JAK2: variants seen among roughly 807,000 people sequenced by gnomAD.
JAK2 encodes the protein Janus kinase 2.
JAK2 carries 86 observed loss-of-function variants against 139.3 expected under a neutral mutation model. The observed-to-expected ratio is 0.62, with a 90% CI of 0.52 to 0.74. The LOEUF is 0.74. Among genes scored for constraint, JAK2 ranks in the 30% least tolerant of loss-of-function variants. JAK2 has a pLI of 0.00. For missense variants in JAK2, 1,421 were observed against 1,360.3 expected (o/e 1.04, Z -0.70); for synonymous variants, 490 against 437.7 (o/e 1.12, Z -1.49).
At chr9:5,114,324 G>A (rs1414356034) in intron 22 of JAK2, 14 of 539,402 alleles carry the variant, frequency 2.6e-5, no homozygotes, top group South Asian at 8.1e-5. Flanking sequence ...TGGGAAGTCT[G>A]TGGCTCAGGT....
chr9:5,049,959 A>G (rs565914210), intron 5 of JAK2, among the ~76,000 whole-genome samples: 8 of 152,314 alleles, frequency 5.3e-5, no homozygotes, highest in African/African-American at 1.7e-4. Context: ...CAGTATTACA[A>G]TCTTATGGAA....
chr9:5,037,408 G>T (rs1257926513), intron 4 of JAK2, among the ~76,000 whole-genome samples: 4 of 152,136 alleles, frequency 2.6e-5, no homozygotes, highest in South Asian at 2.1e-4. Context: ...ACATGCACAC[G>T]TATGTTTATT....
chr9:5,112,767 G>C (rs559253156), intron 22 of JAK2: 2 of 618,470 alleles, frequency 3.2e-6, no homozygotes, highest in East Asian at 7.0e-5. Context: ...AAGGTGTCGC[G>C]CGTGTTCGGA....
Position 5,052,320 on chromosome 9 carries a change from C to T in JAK2, c.614+1489C>T, listed in dbSNP as rs145881394. On this transcript the variant is annotated intron_variant, in intron 6 of 24. Transcript: ENST00000381652. ...CATTATTTAGTCTAGTGTCCTAAAC[C>T]TAATGACTATTTAGTAACTATTTAT... Among the ~76,000 whole-genome samples the T allele has an allele frequency of 1.2e-3, 175 of 152,158 alleles. 1 individual carries two copies. Among genetic ancestry groups the T allele is most frequent in the Admixed American group, 2.5e-3 (38 of 15,272 alleles).
chr9:5,081,141 C>T (rs569659405), intron 18 of JAK2, among the ~76,000 whole-genome samples: 9 of 151,984 alleles, frequency 5.9e-5, no homozygotes, highest in South Asian at 2.1e-4. Context: ...GTGATCCGCC[C>T]GCCTCGGCCT....
intron 6 of JAK2, among the ~76,000 whole-genome samples, chr9:5,053,905 G>A (rs771476989): frequency 1.1e-4 from 17 of 151,798 alleles, no homozygotes; most frequent in East Asian, 3.8e-4. Flanking sequence ...CATATATTAC[G>A]GCATGGAAAA....
chr9:5,072,019 TTA>T (rs2130542738), intron 12 of JAK2, among the ~76,000 whole-genome samples: 1 of 152,276 alleles, frequency 6.6e-6, no homozygotes, highest in African/African-American at 2.4e-5. Flanking sequence ...GGGAAAATAG[TTA>T]TTATTCTCAT....
intron 2 of JAK2, among the ~76,000 whole-genome samples, chr9:5,019,794 T>G (rs1822296001): frequency 6.6e-6 from 1 of 152,158 alleles, no homozygotes. Flanking sequence ...AAGATTTTTT[T>G]TCCTTTGTAA....
chr9:5,113,954 G>A, intron 22 of JAK2: 1 of 263,434 alleles, frequency 3.8e-6, no homozygotes, highest in Non-Finnish European at 7.6e-6. Context: ...CTCATCTCTG[G>A]GTACACCCAG....
chr9:4,995,646 C>G (rs983693982), intron 2 of JAK2, among the ~76,000 whole-genome samples: 1 of 152,096 alleles, frequency 6.6e-6, no homozygotes, highest in Non-Finnish European at 1.5e-5. Flanking sequence ...GTGAACATTT[C>G]TATTTATTTG....
intron 14 of JAK2, among the ~76,000 whole-genome samples, chr9:5,076,499 T>C (rs540816810): frequency 6.1e-4 from 93 of 152,306 alleles, no homozygotes; most frequent in Non-Finnish European, 1.1e-3. Flanking sequence ...TTTTTGGCAA[T>C]AAAGTATTTT....
At chr9:5,014,205 T>C (rs1166716411) in intron 2 of JAK2, among the ~76,000 whole-genome samples, 1 of 150,148 alleles carries the variant, frequency 6.7e-6, no homozygotes, top group Non-Finnish European at 1.5e-5. Context: ...GTTCTCACTA[T>C]GTTGCCCAGG....
At chr9:5,095,214 C>T (rs1239843234) in intron 22 of JAK2, among the ~76,000 whole-genome samples, 1 of 151,990 alleles carries the variant, frequency 6.6e-6, no homozygotes, top group African/African-American at 2.4e-5. Flanking sequence ...TTGGTTATAC[C>T]CTTCCCATAC....
At chr9:5,066,646 T>C in intron 9 of JAK2, 32 bp from the exon 10 acceptor site, 1 of 1,169,178 alleles carries the variant, frequency 8.6e-7, no homozygotes, top group Non-Finnish European at 1.3e-6. Context: ...GTGCTTGATA[T>C]ATTATTCAAA....
chr9:5,090,737 A>C lies in JAK2; in HGVS notation c.2887-2A>C. 2 of 1,586,048 alleles carry C rather than the reference A, an allele frequency of 1.3e-6. No individual in the cohort carries two copies. Among genetic ancestry groups the C allele is most frequent in the Non-Finnish European group, 1.7e-6 (2 of 1,171,966 alleles). On this transcript the variant is annotated splice_acceptor_variant, in intron 21 of 24. Transcript: ENST00000381652. LOFTEE classifies it high-confidence loss of function. ...GCTGAAAGAAAAATGTTTTATCCAT[A>C]GGGTATGGAGTATCTTGGTACAAAA...
intron 22 of JAK2, chr9:5,112,892 T>G: frequency 2.8e-6 from 1 of 361,994 alleles, no homozygotes; most frequent in Non-Finnish European, 4.7e-6. Flanking sequence ...CTCAGCCCCG[T>G]GGGCTGGGCC....
intron 22 of JAK2, among the ~76,000 whole-genome samples, chr9:5,116,544 AAAATT>A (rs1260884048): frequency 1.5e-4 from 23 of 152,196 alleles, no homozygotes; most frequent in African/African-American, 4.6e-4. Flanking sequence ...TTCAGAATGA[AAAATT>A]AAAGAGGTTA....
chr9:5,090,721 A>G lies in JAK2; in HGVS notation c.2887-18A>G. 6.4e-7 allele frequency: 1 copy of G among 1,572,082 alleles called. No individual in the cohort carries two copies. The highest frequency in any genetic ancestry group is 2.1e-5 in the Admixed American group (1 of 48,630). ...TATATTTATAAAACTAGCTGAAAGA[A>G]AAATGTTTTATCCATAGGGTATGGA... is the stretch of plus-strand genomic sequence containing the variant. On this transcript the variant is annotated intron_variant, in intron 21 of 24. Coordinates refer to ENST00000381652, the MANE Select transcript of JAK2 (RefSeq NM_004972.4).
At chr9:5,040,364 A>C (rs1236146174) in intron 4 of JAK2, among the ~76,000 whole-genome samples, 1 of 152,206 alleles carries the variant, frequency 6.6e-6, no homozygotes, top group Non-Finnish European at 1.5e-5. Context: ...CCAAGAAGAA[A>C]CACAGAAGTC....
Sources: allele counts gnomAD v4.1 joint callset (sites outside exome capture counted in the v4.1 genomes callset), GRCh38; gene constraint gnomAD v4.1.1; transcripts MANE v1.5; gene names NCBI Gene and HGNC (gene_info 2026-07-23, HGNC 2026-07-21).